The following SLC4A10 variants were observed in gnomAD, a reference collection of about 807,000 sequenced individuals.
SLC4A10 encodes the protein sodium-driven chloride bicarbonate exchanger.
A neutral mutation model predicts 137.7 loss-of-function variants in SLC4A10; 42 were observed. The observed-to-expected ratio is 0.30, with a 90% confidence interval of 0.24 to 0.39. The LOEUF (loss-of-function observed/expected upper bound fraction) is 0.39. Ranked by LOEUF, SLC4A10 falls within the 10% of genes least tolerant of loss-of-function variation. The pLI is 1.00. For missense variants in SLC4A10, 925 were observed against 1,355.0 expected (o/e 0.68, Z 4.98); for synonymous variants, 474 against 464.1 (o/e 1.02, Z -0.27).
chr2:161,695,314 G>A (rs2042377400), intron 1 of SLC4A10, among the ~76,000 whole-genome samples: 1 of 151,928 alleles, frequency 6.6e-6, no homozygotes, highest in Non-Finnish European at 1.5e-5. Context: ...TCTTTTTGCT[G>A]ATGTTTCATT....
At chr2:161,707,064 T>A (rs1230937426) in intron 1 of SLC4A10, among the ~76,000 whole-genome samples, 1 of 151,538 alleles carries the variant, frequency 6.6e-6, no homozygotes, top group African/African-American at 2.4e-5. Flanking sequence ...TTAGGAAGGC[T>A]TTATTGAGAA....
At position 161,961,186 on chromosome 2, in the gene SLC4A10, G is replaced by T. The variant is rs557771535; in HGVS notation, c.2862+2631G>T. Among the ~76,000 whole-genome samples the T allele has an allele frequency of 2.6e-5, 4 of 152,314 alleles. No homozygotes were observed. The South Asian group carries it at 8.3e-4, about 32-fold the overall frequency. On this transcript the variant is annotated intron_variant, in intron 21 of 26. Coordinates refer to ENST00000446997, the MANE Select transcript of SLC4A10 (RefSeq NM_001178015.2). ...GAATAGTTAACCTGCAGGACAGGCA[G>T]CACGGGATCTCTGTTCCTGAGCAAA...
At chr2:161,657,530 A>T (rs566378731) in intron 1 of SLC4A10, among the ~76,000 whole-genome samples, 1 of 152,112 alleles carries the variant, frequency 6.6e-6, no homozygotes, top group African/African-American at 2.4e-5. Context: ...TAAATAAAAG[A>T]TTTCATCAGG....
chr2:161,788,917 A>T (rs1425026466), intron 2 of SLC4A10, among the ~76,000 whole-genome samples: 1 of 152,208 alleles, frequency 6.6e-6, no homozygotes, highest in Non-Finnish European at 1.5e-5. Flanking sequence ...CCTCTGCTGC[A>T]TCCACAACAG....
At chr2:161,870,722 T>C (rs924067577) in intron 6 of SLC4A10, among the ~76,000 whole-genome samples, 1 of 151,998 alleles carries the variant, frequency 6.6e-6, no homozygotes, top group Non-Finnish European at 1.5e-5. Context: ...TAGCTGCACA[T>C]TGTGGTTAGA....
At chr2:161,690,650 G>A (rs971236859) in intron 1 of SLC4A10, among the ~76,000 whole-genome samples, 1 of 152,156 alleles carries the variant, frequency 6.6e-6, no homozygotes, top group African/African-American at 2.4e-5. Context: ...GCATGAACAT[G>A]GATGGAGCAG....
chr2:161,962,029 C>A (rs1312817441), intron 21 of SLC4A10, among the ~76,000 whole-genome samples: 1 of 152,062 alleles, frequency 6.6e-6, no homozygotes, highest in Non-Finnish European at 1.5e-5. Context: ...ATAATAAAAA[C>A]CAAATGTAAA....
chr2:161,943,202 C>T (rs1267264813), intron 16 of SLC4A10, among the ~76,000 whole-genome samples: 1 of 152,008 alleles, frequency 6.6e-6, no homozygotes, highest in Non-Finnish European at 1.5e-5. Flanking sequence ...TATGGCAGAA[C>T]TAAGTCTGCC....
intron 15 of SLC4A10, among the ~76,000 whole-genome samples, chr2:161,913,949 T>A (rs1228651332): frequency 6.6e-6 from 1 of 152,248 alleles, no homozygotes; most frequent in Non-Finnish European, 1.5e-5. Context: ...AGTCATTCAT[T>A]CATCTCTACT....
intron 9 of SLC4A10, among the ~76,000 whole-genome samples, chr2:161,881,644 G>A (rs1351849507): frequency 6.6e-6 from 1 of 151,984 alleles, no homozygotes; most frequent in Non-Finnish European, 1.5e-5. Context: ...AAATTTCCCA[G>A]AAGGATTGAC....
At chr2:161,938,877 C>T (rs193100733) in intron 15 of SLC4A10, among the ~76,000 whole-genome samples, 2 of 151,624 alleles carry the variant, frequency 1.3e-5, no homozygotes, top group Admixed American at 6.6e-5. Flanking sequence ...GGAAAAAAAA[C>T]CCCACAAATA....
chr2:161,728,613 G>T (rs1018494731), intron 1 of SLC4A10, among the ~76,000 whole-genome samples: 4 of 151,938 alleles, frequency 2.6e-5, no homozygotes, highest in African/African-American at 9.7e-5. Context: ...TTTCACTGGA[G>T]AATTCTCTTA....
chr2:161,654,917 A>G (rs975542414), intron 1 of SLC4A10, among the ~76,000 whole-genome samples: 1 of 152,120 alleles, frequency 6.6e-6, no homozygotes, highest in Non-Finnish European at 1.5e-5. Context: ...AAAAAATGCC[A>G]TTGGGATTTT....
At chr2:161,956,133 C>A (rs1351050204) in intron 19 of SLC4A10, among the ~76,000 whole-genome samples, 1 of 152,042 alleles carries the variant, frequency 6.6e-6, no homozygotes, top group Non-Finnish European at 1.5e-5. Context: ...TATAATAGTA[C>A]CTAACATTTT....
At chr2:161,918,129 C>G (rs1333097854) in intron 15 of SLC4A10, among the ~76,000 whole-genome samples, 3 of 152,176 alleles carry the variant, frequency 2.0e-5, no homozygotes, top group African/African-American at 7.2e-5. Context: ...TAAATATCTT[C>G]AAGAAGTGTT....
At chr2:161,727,456 A>G (rs2046348427) in intron 1 of SLC4A10, among the ~76,000 whole-genome samples, 3 of 152,224 alleles carry the variant, frequency 2.0e-5, no homozygotes, top group Admixed American at 1.3e-4. Context: ...AACTTCCAAC[A>G]TAAAAGATAG....
At chr2:161,647,228 C>T (rs1025727758) in intron 1 of SLC4A10, among the ~76,000 whole-genome samples, 1 of 151,868 alleles carries the variant, frequency 6.6e-6, no homozygotes, top group African/African-American at 2.4e-5. Context: ...TATTTACATG[C>T]CTATCATGTT....
At chr2:161,746,498 G>A (rs1487824372) in intron 1 of SLC4A10, among the ~76,000 whole-genome samples, 1 of 151,968 alleles carries the variant, frequency 6.6e-6, no homozygotes, top group African/African-American at 2.4e-5. Flanking sequence ...GGTTCCTTCT[G>A]TCTGTGGCAG....
intron 15 of SLC4A10, among the ~76,000 whole-genome samples, chr2:161,929,223 C>A (rs1241243212): frequency 6.6e-6 from 1 of 152,140 alleles, no homozygotes; most frequent in Non-Finnish European, 1.5e-5. Context: ...ACTCTTGCTT[C>A]TAGTGAATGA....
Sources: gnomAD v4.1 joint callset for allele counts (sites outside exome capture counted in the v4.1 genomes callset) on GRCh38, gnomAD v4.1.1 for gene constraint, MANE v1.5 for transcripts, NCBI Gene and HGNC (gene_info 2026-07-23, HGNC 2026-07-21) for gene names.